Variants in CCDC146 observed in about 807,000 individuals in gnomAD.
CCDC146 encodes coiled-coil domain containing 146.
A neutral mutation model predicts 119.3 loss-of-function variants in CCDC146; 92 were observed. That is an observed-to-expected ratio of 0.77 (90% CI 0.65 to 0.92). The LOEUF is 0.92. Ranked by LOEUF, CCDC146 falls within the 40% of genes least tolerant of loss-of-function variation. The probability of loss-of-function intolerance (pLI) is 0.00; values close to 1 mark genes in which losing one functional copy is unlikely to be tolerated. For synonymous variants in CCDC146, 372 were observed against 371.8 expected (o/e 1.00, Z -0.01); for missense variants, 1,000 against 1,103.0 (o/e 0.91, Z 1.32).
chr7:77,258,954 C>A (rs748700029), intron 6 of CCDC146, 41 bp from the exon 7 acceptor site: 1 of 1,368,686 alleles, frequency 7.3e-7, no homozygotes, highest in East Asian at 2.3e-5. Flanking sequence ...TGCTTCTAGC[C>A]GAAGACCGCA....
In CCDC146 at chr7:77,256,524, G is replaced by A. The variant is rs762264762; in HGVS notation, c.684+15G>A. On this transcript the variant is annotated intron_variant, in intron 6 of 18. Coordinates refer to ENST00000285871, the MANE Select transcript of CCDC146 (RefSeq NM_020879.3). ...TCGTCCTAAAGGTGTGCTACTTACC[G>A]TTGATATTTAAACATTGTGCCTTGC... The A allele has an allele frequency of 2.0e-5, 31 of 1,584,128 alleles. No homozygotes were observed. The highest frequency in any genetic ancestry group is 3.3e-4 in the Middle Eastern group (2 of 6,004).
At chr7:77,217,568 G>T (rs745689097) in intron 2 of CCDC146, among the ~76,000 whole-genome samples, 1,912 of 151,526 alleles carry the variant, frequency 0.013, 15 homozygotes, top group South Asian at 0.02. Flanking sequence ...TATATAGAGA[G>T]AGAGAGAGAG....
intron 8 of CCDC146, among the ~76,000 whole-genome samples, 159 bp from the exon 9 acceptor site, chr7:77,261,962 A>G (rs1343637198): frequency 6.6e-6 from 1 of 152,216 alleles, no homozygotes; most frequent in Non-Finnish European, 1.5e-5. Context: ...GTATATACCC[A>G]GTAATAGGAT....
At chr7:77,182,521 C>T (rs1238339549) in intron 2 of CCDC146, among the ~76,000 whole-genome samples, 1 of 152,126 alleles carries the variant, frequency 6.6e-6, no homozygotes, top group Non-Finnish European at 1.5e-5. Context: ...CTTGTAATCC[C>T]AGCACTTTGG....
chr7:77,249,788 T>A (rs76332296), intron 4 of CCDC146, among the ~76,000 whole-genome samples: 195 of 152,350 alleles, frequency 1.3e-3, no homozygotes, highest in African/African-American at 4.5e-3. Flanking sequence ...GACAATCTTT[T>A]AACTGACATT....
chr7:77,280,353 G>A, intron 13 of CCDC146, 76 bp from the exon 14 acceptor site: 1 of 1,189,438 alleles, frequency 8.4e-7, no homozygotes. Context: ...TAGTGCTTGT[G>A]TTTCAGAAGC....
chr7:77,247,665 C>A (rs3108415), intron 4 of CCDC146, among the ~76,000 whole-genome samples: 96,766 of 152,028 alleles, frequency 0.64, 33,351 homozygotes, highest in South Asian at 0.79. Flanking sequence ...TTTTCAAAAG[C>A]AGACAAATGG....
chr7:77,284,844 C>T (rs189296056), intron 15 of CCDC146, among the ~76,000 whole-genome samples: 1 of 151,954 alleles, frequency 6.6e-6, no homozygotes, highest in East Asian at 1.9e-4. Context: ...TGATTATCTG[C>T]TCAGCATCAA....
chr7:77,241,541 A>G (rs919144097), intron 3 of CCDC146, 150 bp from the exon 4 acceptor site: 30 of 661,346 alleles, frequency 4.5e-5, no homozygotes, highest in Non-Finnish European at 7.7e-5. Context: ...GGACTCACGG[A>G]CATGAAGGGT....
chr7:77,280,742 G>C, intron 14 of CCDC146, 89 bp downstream of exon 14: 1 of 875,374 alleles, frequency 1.1e-6, no homozygotes, highest in South Asian at 1.7e-5. Context: ...TGAATAGTGA[G>C]GGAAATGTGA....
At chr7:77,183,174 C>T (rs1791615550) in intron 2 of CCDC146, among the ~76,000 whole-genome samples, 1 of 152,026 alleles carries the variant, frequency 6.6e-6, no homozygotes, top group Non-Finnish European at 1.5e-5. Flanking sequence ...CTTTTAAAAT[C>T]TCCTCAGAAA....
intron 2 of CCDC146, among the ~76,000 whole-genome samples, chr7:77,178,690 A>T (rs1220667261): frequency 2.6e-5 from 4 of 152,230 alleles, no homozygotes; most frequent in Non-Finnish European, 5.9e-5. Flanking sequence ...TATTAAAAAT[A>T]ATGATCTAAA....
At chr7:77,212,553 G>A (rs550319949) in intron 2 of CCDC146, among the ~76,000 whole-genome samples, 231 of 149,540 alleles carry the variant, frequency 1.5e-3, no homozygotes, top group Non-Finnish European at 2.3e-3. Flanking sequence ...CCCAGGAGGC[G>A]GAGCATGCAG....
chr7:77,149,275 A>G (rs1245338573), intron 1 of CCDC146, among the ~76,000 whole-genome samples: 2 of 152,352 alleles, frequency 1.3e-5, no homozygotes, highest in African/African-American at 4.8e-5. Context: ...GGCTAGCCAT[A>G]TGCAGAAAAC....
chr7:77,283,877 T>C (rs1466149163), intron 15 of CCDC146, among the ~76,000 whole-genome samples: 1 of 152,200 alleles, frequency 6.6e-6, no homozygotes, highest in Non-Finnish European at 1.5e-5. Context: ...TATGCCAATG[T>C]TCTGATTCCA....
intron 4 of CCDC146, among the ~76,000 whole-genome samples, chr7:77,242,712 C>T (rs1269186251): frequency 6.6e-6 from 1 of 152,104 alleles, no homozygotes; most frequent in Non-Finnish European, 1.5e-5. Context: ...GAGTTTGTTA[C>T]CATTTAAGGT....
chr7:77,231,147 C>T (rs1276962973), intron 2 of CCDC146, among the ~76,000 whole-genome samples: 2 of 152,204 alleles, frequency 1.3e-5, no homozygotes, highest in Non-Finnish European at 2.9e-5. Flanking sequence ...ATGCTACCCA[C>T]CCATTAATCA....
At chr7:77,123,261 AAG>A (rs1334156111) in intron 1 of CCDC146, among the ~76,000 whole-genome samples, 1 of 151,498 alleles carries the variant, frequency 6.6e-6, no homozygotes, top group African/African-American at 2.4e-5. Context: ...AGACACAAAA[AAG>A]AGAGTCACCA....
intron 1 of CCDC146, among the ~76,000 whole-genome samples, chr7:77,134,895 A>G (rs1562811665): frequency 6.6e-6 from 1 of 152,222 alleles, no homozygotes; most frequent in East Asian, 1.9e-4. Context: ...AAAAATTCAT[A>G]AAGTATGTGA....
Sources: gnomAD v4.1 joint callset for allele counts (sites outside exome capture counted in the v4.1 genomes callset) on GRCh38, gnomAD v4.1.1 for gene constraint, MANE v1.5 for transcripts, NCBI Gene and HGNC (gene_info 2026-07-23, HGNC 2026-07-21) for gene names.